CAMKMT: variants seen among roughly 807,000 people sequenced by gnomAD.
CAMKMT encodes CaM KMT.
A neutral mutation model predicts 48.0 loss-of-function variants in CAMKMT; 53 were observed. The observed-to-expected ratio is 1.10, with a 90% CI of 0.89 to 1.39. The LOEUF (loss-of-function observed/expected upper bound fraction) is 1.39, where lower values mean the gene tolerates loss of function less well. Ranked by LOEUF, CAMKMT falls within the 40% of genes most tolerant of loss-of-function variation. CAMKMT has a pLI of 0.00. For synonymous variants in CAMKMT, 165 were observed against 152.3 expected (o/e 1.08, Z -0.61); for missense variants, 428 against 402.7 (o/e 1.06, Z -0.54).
intron 3 of CAMKMT, among the ~76,000 whole-genome samples, chr2:44,411,424 T>C (rs1028880067): frequency 3.9e-5 from 6 of 152,224 alleles, no homozygotes; most frequent in African/African-American, 1.4e-4. Flanking sequence ...TTATACTCAA[T>C]TGCATGTATT....
rs10711902 is a variant in CAMKMT, at chr2:44,398,567, C to CT, written c.376+8277dup. Among the ~76,000 whole-genome samples, 449 of 125,806 alleles carry CT rather than the reference C, an allele frequency of 3.6e-3. 4 individuals are homozygous for CT. Among genetic ancestry groups the CT allele is most frequent in the East Asian group, 5.2e-3 (24 of 4,628 alleles). 82.5% of individuals were successfully genotyped at this position (125,806 alleles called of 152,430 possible). On this transcript the variant is annotated intron_variant, in intron 3 of 10. Coordinates refer to ENST00000378494, the MANE Select transcript of CAMKMT (RefSeq NM_024766.5). ...GTTTCTTTCTTTTTTCTTTTCTTTT[C>CT]TTTTTTTTTTTTTTTGAGAAGTGCT...
intron 3 of CAMKMT, among the ~76,000 whole-genome samples, chr2:44,668,143 T>C (rs555218303): frequency 6.6e-6 from 1 of 152,188 alleles, no homozygotes; most frequent in East Asian, 1.9e-4. Flanking sequence ...CTCCAATATC[T>C]CCTCTCCTAT....
chr2:44,453,025 CTAA>C (rs1667374558), intron 3 of CAMKMT, among the ~76,000 whole-genome samples: 1 of 152,018 alleles, frequency 6.6e-6, no homozygotes, highest in East Asian at 1.9e-4. Flanking sequence ...ATTTACTATG[CTAA>C]AATATCAAAG....
At chr2:44,631,007 A>T (rs528456431) in intron 3 of CAMKMT, among the ~76,000 whole-genome samples, 11 of 152,300 alleles carry the variant, frequency 7.2e-5, no homozygotes, top group Non-Finnish European at 8.8e-5. Flanking sequence ...CAAATGTCCA[A>T]CAATGATAGA....
chr2:44,631,574 T>G, intron 3 of CAMKMT: 1 of 563,198 alleles, frequency 1.8e-6, no homozygotes, highest in South Asian at 2.6e-5. Context: ...AAAGTGTGAT[T>G]AGTAGCATGA....
rs373877067 is a variant in CAMKMT, at chr2:44,383,591, C to T, written c.312-6650C>T. Among the ~76,000 whole-genome samples the T allele has an allele frequency of 7.2e-5, 11 of 152,222 alleles. No individual in the cohort carries two copies. In the East Asian group the frequency reaches 2.1e-3, roughly 29 times the overall value. On this transcript the variant is annotated intron_variant, in intron 2 of 10. Coordinates refer to ENST00000378494, the MANE Select transcript of CAMKMT (RefSeq NM_024766.5). ...GATTTTGGTTCACCCATCAGCTGAG[C>T]AGTATACAGTGTACCATATTTGTTT... is the stretch of plus-strand genomic sequence containing the variant.
intron 3 of CAMKMT, among the ~76,000 whole-genome samples, chr2:44,492,196 A>G (rs1669540887): frequency 6.6e-6 from 1 of 152,144 alleles, no homozygotes; most frequent in African/African-American, 2.4e-5. Context: ...GAATGCCAGT[A>G]TGTGAGAATA....
intron 3 of CAMKMT, among the ~76,000 whole-genome samples, chr2:44,397,259 T>C (rs1049831950): frequency 6.6e-6 from 1 of 152,126 alleles, no homozygotes; most frequent in African/African-American, 2.4e-5. Flanking sequence ...TGGCAGAATA[T>C]TGAGCTTTGG....
At chr2:44,540,652 G>A (rs1667048765) in intron 3 of CAMKMT, among the ~76,000 whole-genome samples, 1 of 152,162 alleles carries the variant, frequency 6.6e-6, no homozygotes, top group Non-Finnish European at 1.5e-5. Flanking sequence ...TTGGGAGGCT[G>A]AGGTGGGAGG....
chr2:44,558,189 C>G (rs924668955), intron 3 of CAMKMT, among the ~76,000 whole-genome samples: 2 of 152,082 alleles, frequency 1.3e-5, no homozygotes, highest in Non-Finnish European at 2.9e-5. Flanking sequence ...TGAGTACCCA[C>G]CACCACACTC....
At chr2:44,683,880 T>C (rs768681499) in intron 3 of CAMKMT, among the ~76,000 whole-genome samples, 2 of 139,770 alleles carry the variant, frequency 1.4e-5, no homozygotes, top group African/African-American at 2.7e-5. Flanking sequence ...AAAATAGTAA[T>C]GAATTACTCT....
intron 5 of CAMKMT, 30 bp from the exon 6 acceptor site, chr2:44,707,369 T>A: frequency 6.2e-7 from 1 of 1,608,014 alleles, no homozygotes. Flanking sequence ...TATTTGCTCA[T>A]TGTTTGCTGT....
intron 3 of CAMKMT, among the ~76,000 whole-genome samples, chr2:44,703,622 A>T (rs1260083947): frequency 1.3e-5 from 2 of 152,060 alleles, no homozygotes. Flanking sequence ...TACTGAAAAT[A>T]CAAAAATTAG....
intron 3 of CAMKMT, among the ~76,000 whole-genome samples, chr2:44,395,959 G>A (rs1263087804): frequency 6.6e-6 from 1 of 152,026 alleles, no homozygotes; most frequent in African/African-American, 2.4e-5. Context: ...AGAATAAAGT[G>A]TTCACAAAGA....
chr2:44,546,080 G>T (rs764298020), intron 3 of CAMKMT, among the ~76,000 whole-genome samples: 13 of 150,974 alleles, frequency 8.6e-5, no homozygotes, highest in Non-Finnish European at 1.8e-4. Context: ...TTTATATAGA[G>T]AGTTATCTTT....
At chr2:44,536,585 C>T (rs1319273823) in intron 3 of CAMKMT, among the ~76,000 whole-genome samples, 1 of 152,026 alleles carries the variant, frequency 6.6e-6, no homozygotes, top group Non-Finnish European at 1.5e-5. Context: ...GCCTCAGCCT[C>T]CCAAAGTGCT....
At chr2:44,722,299 A>T (rs936551607) in intron 7 of CAMKMT, among the ~76,000 whole-genome samples, 6 of 150,386 alleles carry the variant, frequency 4.0e-5, no homozygotes, top group African/African-American at 1.2e-4. Context: ...TAACCTCTTG[A>T]GGACCTGCCA....
chr2:44,629,222 A>G (rs1008804935), intron 3 of CAMKMT, among the ~76,000 whole-genome samples: 2 of 151,852 alleles, frequency 1.3e-5, no homozygotes, highest in Admixed American at 1.3e-4. Flanking sequence ...CATATTTATG[A>G]TTGTTATGTT....
intron 7 of CAMKMT, among the ~76,000 whole-genome samples, chr2:44,731,722 C>G (rs1349862969): frequency 6.6e-6 from 1 of 152,146 alleles, no homozygotes; most frequent in African/African-American, 2.4e-5. Flanking sequence ...TCTTGAGCAC[C>G]TATAATGTGG....
Sources: allele counts gnomAD v4.1 joint callset (sites outside exome capture counted in the v4.1 genomes callset), GRCh38; gene constraint gnomAD v4.1.1; transcripts MANE v1.5; gene names NCBI Gene and HGNC (gene_info 2026-07-23, HGNC 2026-07-21).